Variants in UQCRC1 observed in about 807,000 individuals in gnomAD.
UQCRC1 encodes ubiquinol-cytochrome c reductase core protein 1, also known as cytochrome b-c1 complex subunit 1, mitochondrial.
A neutral mutation model predicts 58.0 loss-of-function variants in UQCRC1; 34 were observed. That is an observed-to-expected ratio of 0.59 (90% CI 0.45 to 0.78). The LOEUF (loss-of-function observed/expected upper bound fraction) is 0.78. UQCRC1 is among the 30% of genes least tolerant of loss of function. The probability of loss-of-function intolerance (pLI) is 0.00; values close to 1 mark genes in which losing one functional copy is unlikely to be tolerated. For synonymous variants in UQCRC1, 276 were observed against 248.8 expected (o/e 1.11, Z -1.03); for missense variants, 610 against 646.0 (o/e 0.94, Z 0.60).
chr3:48,607,845 G>A (rs1157260113), intron 2 of UQCRC1, among the ~76,000 whole-genome samples: 6 of 148,810 alleles, frequency 4.0e-5, no homozygotes, highest in African/African-American at 1.5e-4. Context: ...TTTTTTTTGA[G>A]ATGGACTCTC....
At position 48,600,151 on chromosome 3, in the gene UQCRC1, C is replaced by A. The variant is rs1331476939; in HGVS notation, c.1214G>T (p.Gly405Val). 3 of 1,614,044 alleles carry A rather than the reference C, an allele frequency of 1.9e-6. No homozygotes were observed. The highest frequency in any genetic ancestry group is 2.5e-6 in the Non-Finnish European group (3 of 1,180,006). The change falls in exon 11 of 13, where the codon GGC (glycine) becomes GTC (valine). Residue 405 changes from glycine (G) to valine (V), a missense_variant and splice_region_variant. Transcript: ENST00000203407. ...LRNALVSHLDGTTPVCEDIGR... is the reference protein window; with the variant it reads ...LRNALVSHLDVTTPVCEDIGR... ...GATGTCCTCACACACAGGAGTAGTGCCTTTAAGGGTGAGAGAAGGCTCAGA... is the reference window on the plus strand; with the variant it reads ...GATGTCCTCACACACAGGAGTAGTGACTTTAAGGGTGAGAGAAGGCTCAGA...
chr3:48,602,587 A>G (rs2046376441), intron 6 of UQCRC1, among the ~76,000 whole-genome samples: 1 of 150,362 alleles, frequency 6.7e-6, no homozygotes, highest in African/African-American at 2.5e-5. Context: ...CAGTGGTACA[A>G]TCTCAGCTCG....
At position 48,609,384 on chromosome 3, in the gene UQCRC1, C is replaced by A. The variant is rs572445567; in HGVS notation, c.70-82G>T. ...CCAGGTCCTCAGGAGGACCCCCGAA[C>A]CCCGCCCCTAGGCAAGCGGCGAGAT... On this transcript the variant is annotated intron_variant, in intron 1 of 12. Transcript: ENST00000203407. The A allele has an allele frequency of 9.7e-6, 15 of 1,539,422 alleles. No individual in the cohort carries two copies. The African/African-American group carries it at 1.5e-4, about 16-fold the overall frequency.
Position 48,599,722 on chromosome 3 carries a change from GGCAGAGGGC to G in UQCRC1, c.1303-21_1303-13del. 1 of 1,613,502 alleles carries G rather than the reference GGCAGAGGGC, an allele frequency of 6.2e-7. No homozygotes were observed. The highest frequency in any genetic ancestry group is 8.5e-7 in the Non-Finnish European group (1 of 1,179,936). ...CTGGCATCCACCTCCTGCAGGGTGA[GGCAGAGGGC>G]ATACTGGCTAACGGGCACCTGGCCA... On this transcript the variant is annotated splice_polypyrimidine_tract_variant and intron_variant, in intron 11 of 12. Transcript: ENST00000203407.
In UQCRC1 at chr3:48,599,127, C is replaced by T. The variant is rs764712638; in HGVS notation, c.*1G>A. 1 of 1,612,052 alleles carries T rather than the reference C, an allele frequency of 6.2e-7. No homozygotes were observed. Among genetic ancestry groups the T allele is most frequent in the Non-Finnish European group, 8.5e-7 (1 of 1,178,868 alleles). The stretch of plus-strand genomic sequence containing the variant: ...CCCTCTTGCTTACATAGGCTTCCCG[C>T]CTAGAAGCGCAGCCAGAACATGCCG... On this transcript the variant is annotated 3_prime_UTR_variant, in exon 13 of 13. Coordinates refer to ENST00000203407, the MANE Select transcript of UQCRC1 (RefSeq NM_003365.3).
In UQCRC1 at chr3:48,600,961, G is replaced by T. The variant is rs184725145; in HGVS notation, c.966+14C>A. 1 of 1,600,840 alleles carries T rather than the reference G, an allele frequency of 6.2e-7. No homozygotes were observed. The highest frequency in any genetic ancestry group is 8.5e-7 in the Non-Finnish European group (1 of 1,170,060). Reference sequence around the variant, plus strand: ...TCCCTGAAGGCGAGGTCCCATGCTCGCGCTGGCACTCACCACGCCACCACC... The same window carrying T: ...TCCCTGAAGGCGAGGTCCCATGCTCTCGCTGGCACTCACCACGCCACCACC... On this transcript the variant is annotated intron_variant, in intron 8 of 12. Coordinates refer to ENST00000203407, the MANE Select transcript of UQCRC1 (RefSeq NM_003365.3).
intron 11 of UQCRC1, 41 bp downstream of exon 11, chr3:48,600,022 C>G (rs773526213): frequency 6.2e-6 from 10 of 1,611,650 alleles, no homozygotes; most frequent in Non-Finnish European, 8.5e-6. Context: ...AGGTGTCTGC[C>G]AGGCCAAGAC....
Position 48,599,927 on chromosome 3 carries a change from C to A in UQCRC1, c.1302+136G>T, listed in dbSNP as rs994944899. The A allele has an allele frequency of 2.6e-5, 30 of 1,160,988 alleles. No individual in the cohort carries two copies. The East Asian group carries it at 7.6e-4, about 29-fold the overall frequency. 71.9% of individuals were successfully genotyped at this position (1,160,988 alleles called of 1,614,324 possible). A position where few individuals can be genotyped will look rare whatever the true frequency, so the allele number is the denominator to read the frequency against. Reference sequence around the variant, plus strand: ...TATGCCCTGCCCTCCCACTATGCTACCCCTGCAGGTGACAGCTGCCTAGGA... The same window carrying A: ...TATGCCCTGCCCTCCCACTATGCTAACCCTGCAGGTGACAGCTGCCTAGGA... On this transcript the variant is annotated intron_variant, in intron 11 of 12. Coordinates refer to ENST00000203407, the MANE Select transcript of UQCRC1 (RefSeq NM_003365.3).
At chr3:48,605,619 G>C in intron 3 of UQCRC1, 151 bp downstream of exon 3, 1 of 748,238 alleles carries the variant, frequency 1.3e-6, no homozygotes, top group South Asian at 1.8e-5. Context: ...ACTCAGGAGA[G>C]GTTAAGCTCA....
At chr3:48,599,540 TA>T in intron 12 of UQCRC1, 94 bp downstream of exon 12, 1 of 1,383,998 alleles carries the variant, frequency 7.2e-7, no homozygotes, top group Non-Finnish European at 1.0e-6. Context: ...GGCTGCTCTG[TA>T]AGCTGAGCAG....
intron 2 of UQCRC1, among the ~76,000 whole-genome samples, chr3:48,608,827 C>A (rs567272805): frequency 1.3e-5 from 2 of 152,348 alleles, no homozygotes; most frequent in East Asian, 1.9e-4. Context: ...TGGACCCCTG[C>A]AAGTCACCTA....
At chr3:48,607,213 T>C (rs1272228389) in intron 2 of UQCRC1, among the ~76,000 whole-genome samples, 1 of 152,202 alleles carries the variant, frequency 6.6e-6, no homozygotes, top group Non-Finnish European at 1.5e-5. Context: ...GGCTAATTTT[T>C]TGTATTTTTA....
chr3:48,605,875 G>C lies in UQCRC1; in HGVS notation c.211-19C>G. 2 of 1,612,570 alleles carry C rather than the reference G, an allele frequency of 1.2e-6. No individual in the cohort carries two copies. The highest frequency in any genetic ancestry group is 2.2e-5 in the East Asian group (1 of 44,768). ...CTCCCACCTGGTCAAGAAGCCACCA[G>C]AAAAGGTTACAAACAAACCACTCCC... On this transcript the variant is annotated intron_variant, in intron 2 of 12. Transcript: ENST00000203407.
chr3:48,604,504 C>A (rs756113650), intron 4 of UQCRC1, 73 bp from the exon 5 acceptor site: 47 of 1,586,182 alleles, frequency 3.0e-5, no homozygotes, highest in Non-Finnish European at 3.5e-5. Context: ...AATCCCCAGG[C>A]CTGGCATCTC....
intron 3 of UQCRC1, among the ~76,000 whole-genome samples, chr3:48,604,981 C>G (rs1307353120): frequency 6.6e-6 from 1 of 152,188 alleles, no homozygotes; most frequent in Non-Finnish European, 1.5e-5. Flanking sequence ...CATGCGCCAA[C>G]AGAACAGAGA....
At chr3:48,603,491 G>C in intron 6 of UQCRC1, 73 bp downstream of exon 6, 1 of 1,512,482 alleles carries the variant, frequency 6.6e-7, no homozygotes, top group Non-Finnish European at 9.1e-7. Flanking sequence ...CCTATGGTGG[G>C]AACCAGGACC....
chr3:48,601,270 G>T, intron 7 of UQCRC1, 82 bp downstream of exon 7: 2 of 1,563,694 alleles, frequency 1.3e-6, no homozygotes, highest in Non-Finnish European at 1.7e-6. Flanking sequence ...GGTATCTCTG[G>T]AGTCACCAGG....
At chr3:48,609,026 A>G in intron 2 of UQCRC1, 136 bp downstream of exon 2, 1 of 1,235,366 alleles carries the variant, frequency 8.1e-7, no homozygotes, top group South Asian at 1.6e-5. Context: ...GAATGGGGCC[A>G]TTCTCGGGGT....
At chr3:48,608,199 T>C (rs2046431174) in intron 2 of UQCRC1, among the ~76,000 whole-genome samples, 1 of 152,244 alleles carries the variant, frequency 6.6e-6, no homozygotes, top group Non-Finnish European at 1.5e-5. Context: ...TCTACATCTG[T>C]ATGTACGTAT....
Sources: gnomAD v4.1 joint callset for allele counts (sites outside exome capture counted in the v4.1 genomes callset) on GRCh38, gnomAD v4.1.1 for gene constraint, MANE v1.5 for transcripts, NCBI Gene and HGNC (gene_info 2026-07-23, HGNC 2026-07-21) for gene names.